The following CELF4 variants were observed in gnomAD, a reference collection of about 807,000 sequenced individuals.
CELF4 encodes the protein CUGBP Elav-like family member 4.
A neutral mutation model predicts 59.9 loss-of-function variants in CELF4; 18 were observed. The observed-to-expected ratio is 0.30, with a 90% CI of 0.21 to 0.45. The LOEUF (loss-of-function observed/expected upper bound fraction) is 0.45. CELF4 is among the 20% of genes least tolerant of loss of function. The pLI, the probability that CELF4 is intolerant of heterozygous loss-of-function variation, is 1.00. For synonymous variants in CELF4, 261 were observed against 267.1 expected (o/e 0.98, Z 0.22); for missense variants, 456 against 689.0 (o/e 0.66, Z 3.79).
chr18:37,537,676 C>T (rs545462237), intron 1 of CELF4, among the ~76,000 whole-genome samples: 4 of 152,274 alleles, frequency 2.6e-5, no homozygotes, highest in African/African-American at 9.6e-5. Context: ...GGATGAGCCC[C>T]GGAGGTGGTG....
rs2094503675 is a variant in CELF4, at chr18:37,284,178, C to A, written c.449-8935G>T. 2.7e-5 allele frequency among the ~76,000 whole-genome samples: 4 copies of A among 150,638 alleles called. No individual in the cohort carries two copies. The South Asian group carries it at 8.7e-4, about 33-fold the overall frequency. On this transcript the variant is annotated intron_variant, in intron 3 of 12. Transcript: ENST00000420428. Reference sequence around the variant, plus strand: ...ATACACACACCCATACACTCCAACACATACACAAATACATATGTGCAGATA... The same window carrying A: ...ATACACACACCCATACACTCCAACAAATACACAAATACATATGTGCAGATA...
At chr18:37,510,445 T>C (rs1320997000) in intron 1 of CELF4, among the ~76,000 whole-genome samples, 1 of 152,240 alleles carries the variant, frequency 6.6e-6, no homozygotes, top group African/African-American at 2.4e-5. Context: ...CCTGCTCCTC[T>C]AGGCTTCCTT....
intron 8 of CELF4, among the ~76,000 whole-genome samples, chr18:37,269,721 T>C (rs539161244): frequency 3.0e-4 from 45 of 152,372 alleles, no homozygotes; most frequent in African/African-American, 1.1e-3. Flanking sequence ...TTGGGGCTTC[T>C]TTAGCCTACA....
intron 3 of CELF4, among the ~76,000 whole-genome samples, chr18:37,316,881 C>T (rs1054350435): frequency 1.3e-5 from 2 of 152,180 alleles, no homozygotes; most frequent in Non-Finnish European, 2.9e-5. Flanking sequence ...TTCCCACTGC[C>T]TCTAGGCCAC....
At chr18:37,435,682 C>T (rs777792918) in intron 2 of CELF4, among the ~76,000 whole-genome samples, 9 of 152,226 alleles carry the variant, frequency 5.9e-5, no homozygotes, top group African/African-American at 1.4e-4. Context: ...CACCTCATCA[C>T]GTCCCAACAA....
chr18:37,450,302 A>AC (rs2077119851), intron 2 of CELF4, among the ~76,000 whole-genome samples: 1 of 151,478 alleles, frequency 6.6e-6, no homozygotes, highest in Non-Finnish European at 1.5e-5. Context: ...CTGGAAAAAA[A>AC]CGCGTTCTCT....
At chr18:37,382,124 G>A (rs1210189266) in intron 2 of CELF4, among the ~76,000 whole-genome samples, 1 of 152,220 alleles carries the variant, frequency 6.6e-6, no homozygotes, top group Non-Finnish European at 1.5e-5. Context: ...AGCTTATCAT[G>A]TGCTGGCACT....
intron 1 of CELF4, among the ~76,000 whole-genome samples, chr18:37,520,981 AT>A (rs1398597787): frequency 6.8e-6 from 1 of 146,756 alleles, no homozygotes; most frequent in Admixed American, 6.8e-5. Context: ...ACCCCTTGGC[AT>A]GGGGAGGGGT....
intron 1 of CELF4, 105 bp from the exon 2 acceptor site, chr18:37,485,712 G>T: frequency 1.8e-6 from 1 of 559,144 alleles, no homozygotes; most frequent in Non-Finnish European, 2.8e-6. Flanking sequence ...CTGCCGCTCG[G>T]TCCCTGTCCC....
intron 2 of CELF4, among the ~76,000 whole-genome samples, chr18:37,416,976 A>C (rs1340145013): frequency 6.6e-6 from 1 of 152,124 alleles, no homozygotes; most frequent in Admixed American, 6.5e-5. Context: ...AAGAAATGCA[A>C]AAGGGAGAAT....
At chr18:37,302,561 G>C (rs1046461693) in intron 3 of CELF4, among the ~76,000 whole-genome samples, 1 of 152,190 alleles carries the variant, frequency 6.6e-6, no homozygotes. Flanking sequence ...ATCTGAAGAC[G>C]CTGGGATGAC....
Position 37,565,606 on chromosome 18 carries a change from C to G in CELF4, c.36G>C (p.Gln12His). The G allele has an allele frequency of 6.2e-7, 1 of 1,605,236 alleles. No homozygotes were observed. Among genetic ancestry groups the G allele is most frequent in the South Asian group, 1.1e-5 (1 of 90,216 alleles). Residue 12 changes from glutamine to histidine, a missense_variant, in exon 1 of 13, where the codon CAG (glutamine) becomes CAC (histidine). Physicochemically the swap from Gln to His is conservative, Grantham distance 24. This residue lies in a region of CELF4 where 70 missense variants were observed against 69.5 expected (regional missense o/e 1.01). Transcript: ENST00000420428. ...YIKMATLANG[Q>H]ADNASLSTNG... is the part of the protein sequence containing the mutation. The stretch of plus-strand genomic sequence containing the variant: ...TGGTACTGAGGCTTGCGTTGTCAGC[C>G]TGTCCGTTTGCTAACGTGGCCATCT...
intron 2 of CELF4, among the ~76,000 whole-genome samples, chr18:37,359,794 AC>A (rs2098671739): frequency 6.6e-6 from 1 of 151,378 alleles, no homozygotes; most frequent in Non-Finnish European, 1.5e-5. Flanking sequence ...TGGTCCGCCC[AC>A]CTCAGCCTCC....
chr18:37,323,593 A>G (rs1603470588), intron 2 of CELF4, among the ~76,000 whole-genome samples: 1 of 151,570 alleles, frequency 6.6e-6, no homozygotes, highest in Non-Finnish European at 1.5e-5. Context: ...TCAGCATCTC[A>G]CCCTTTCCTA....
intron 2 of CELF4, among the ~76,000 whole-genome samples, chr18:37,444,142 C>T (rs1257035208): frequency 1.3e-5 from 2 of 152,250 alleles, no homozygotes; most frequent in African/African-American, 4.8e-5. Flanking sequence ...CGATCAGAAC[C>T]TACTATACTG....
rs941909818 is a variant in CELF4 at position 37,303,960 on chromosome 18, C to A, written c.448+17843G>T. 2.0e-5 allele frequency among the ~76,000 whole-genome samples: 3 copies of A among 152,354 alleles called. No individual in the cohort carries two copies. In the South Asian group the frequency reaches 6.2e-4, roughly 32 times the overall value. ...GGAGAAGGCTTCCCTGGGCCCCAGCCCCATGGTAAGTGCCAGACACCTGCC... is the reference window on the plus strand; with the variant it reads ...GGAGAAGGCTTCCCTGGGCCCCAGCACCATGGTAAGTGCCAGACACCTGCC... On this transcript the variant is annotated intron_variant, in intron 3 of 12. Transcript: ENST00000420428.
At chr18:37,320,285 G>A (rs1398417880) in intron 3 of CELF4, among the ~76,000 whole-genome samples, 3 of 136,264 alleles carry the variant, frequency 2.2e-5, no homozygotes, top group Non-Finnish European at 3.1e-5. Flanking sequence ...GCAGTGAGCC[G>A]AGATCACACC....
chr18:37,259,047 G>T, intron 11 of CELF4, 134 bp downstream of exon 11: 1 of 1,426,256 alleles, frequency 7.0e-7, no homozygotes, highest in Non-Finnish European at 9.6e-7. Flanking sequence ...GTTAAAAGCA[G>T]TCGGACACCG....
chr18:37,320,098 G>C (rs1175855845), intron 3 of CELF4, among the ~76,000 whole-genome samples: 3 of 151,702 alleles, frequency 2.0e-5, no homozygotes, highest in Non-Finnish European at 4.4e-5. Flanking sequence ...AGCACTTTGG[G>C]AGGCCGAGGC....
Sources: gnomAD v4.1 joint callset for allele counts (sites outside exome capture counted in the v4.1 genomes callset) on GRCh38, gnomAD v4.1.1 for gene constraint, gnomAD v4.1.1 regional missense constraint, MANE v1.5 for transcripts, NCBI Gene and HGNC (gene_info 2026-07-23, HGNC 2026-07-21) for gene names.